The following GTF3C4 variants were observed in gnomAD, a reference collection of about 807,000 sequenced individuals.
The protein encoded by GTF3C4 is general transcription factor IIIC subunit 4, also known as general transcription factor 3C polypeptide 4.
A neutral mutation model predicts 67.5 loss-of-function variants in GTF3C4; 28 were observed. The observed-to-expected ratio is 0.41, with a 90% CI of 0.31 to 0.57. The LOEUF (loss-of-function observed/expected upper bound fraction) is 0.57, where lower values mean the gene tolerates loss of function less well. Ranked by LOEUF, GTF3C4 falls within the 20% of genes least tolerant of loss-of-function variation. The probability of loss-of-function intolerance (pLI) is 0.21; values close to 1 mark genes in which losing one functional copy is unlikely to be tolerated. For missense variants in GTF3C4, 831 were observed against 1,033.2 expected (o/e 0.80, Z 2.68); for synonymous variants, 409 against 393.0 (o/e 1.04, Z -0.48).
chr9:132,679,827 C>G lies in GTF3C4; in HGVS notation c.2184+24C>G. On this transcript the variant is annotated intron_variant, in intron 2 of 4. Transcript: ENST00000372146. The surrounding 1 kb of genome is among the most constrained non-coding windows in gnomAD (Gnocchi z 5.9). ...GGGTAGGTGTTTATTAACAAAAACT[C>G]TGAAATTGTAAAGCCTGCTTTCTTC... 6.5e-7 allele frequency: 1 copy of G among 1,536,984 alleles called. No individual in the cohort carries two copies. The highest frequency in any genetic ancestry group is 8.8e-7 in the Non-Finnish European group (1 of 1,138,786).
chr9:132,682,938 T>C (rs1437695890), intron 2 of GTF3C4, among the ~76,000 whole-genome samples: 1 of 152,064 alleles, frequency 6.6e-6, no homozygotes, highest in East Asian at 1.9e-4. Flanking sequence ...AAAGCAAAAC[T>C]GAAGCAAAGA....
intron 3 of GTF3C4, among the ~76,000 whole-genome samples, chr9:132,684,025 A>G (rs1316172619): frequency 6.6e-6 from 1 of 152,098 alleles, no homozygotes; most frequent in Non-Finnish European, 1.5e-5. Context: ...TGTGGGCTGC[A>G]TTTGGCACAA....
chr9:132,677,900 A>G, intron 1 of GTF3C4, 77 bp from the exon 2 acceptor site: 1 of 1,143,692 alleles, frequency 8.7e-7, no homozygotes, highest in Non-Finnish European at 1.3e-6. Flanking sequence ...GAATAATGAC[A>G]TTCTGACTTA....
intron 1 of GTF3C4, among the ~76,000 whole-genome samples, chr9:132,671,932 G>A (rs773441463): frequency 5.9e-5 from 9 of 152,142 alleles, no homozygotes; most frequent in Non-Finnish European, 1.3e-4. Flanking sequence ...TTATGTGTTC[G>A]TAAACTCTTA....
rs1388845594 is a variant in GTF3C4 at position 132,689,970 on chromosome 9, T to C, written c.*1025T>C. ...CTTTCCTCTGCACAGTCCCTTGATA[T>C]TTGGAATCCAGGTTCTGCCCCCAAC... is the stretch of plus-strand genomic sequence containing the variant. On this transcript the variant is annotated 3_prime_UTR_variant, in exon 5 of 5. Transcript: ENST00000372146. The C allele has an allele frequency of 1.3e-5, 2 of 152,202 alleles. No homozygotes were observed. The highest frequency in any genetic ancestry group is 2.9e-5 in the Non-Finnish European group (2 of 68,092). 9.4% of individuals were successfully genotyped at this position (152,202 alleles called of 1,614,324 possible). A position where few individuals can be genotyped will look rare whatever the true frequency, so the allele number is the denominator to read the frequency against.
rs746905340 is a variant in GTF3C4 at position 132,678,192 on chromosome 9, G to C, written c.573G>C (p.Leu191=). The C allele has an allele frequency of 6.2e-7, 1 of 1,614,246 alleles. No homozygotes were observed. Among genetic ancestry groups the C allele is most frequent in the Non-Finnish European group, 8.5e-7 (1 of 1,180,048 alleles). ...CAGCACTGACCATGGACAATCGCCT[G>C]ACCATCCAGGCAAATCTCAACAGAC... ...LLAALTMDNR[L]TIQANLNRLQ... Residue 191 remains leucine (L), a synonymous_variant, in exon 2 of 5, where the codon CTG becomes CTC. Transcript: ENST00000372146. The surrounding 1 kb of genome is among the most constrained non-coding windows in gnomAD (Gnocchi z 6.5).
At position 132,678,033 on chromosome 9, in the gene GTF3C4, C is replaced by A; in HGVS notation, c.414C>A (p.Asp138Glu). ...ECKEKFAASK[D>E]PTVSQTFMLD... Reference sequence around the variant, plus strand: ...AGGAGAAATTCGCCGCCTCCAAGGACCCCACGGTCAGTCAGACTTTCATGT... The same window carrying A: ...AGGAGAAATTCGCCGCCTCCAAGGAACCCACGGTCAGTCAGACTTTCATGT... Residue 138 changes from aspartate (D) to glutamate (E), a missense_variant, in exon 2 of 5, where the codon GAC (aspartate) becomes GAA (glutamate). Physicochemically the swap from Asp to Glu is conservative, Grantham distance 45. Transcript: ENST00000372146. This position sits in a 1 kb window ranked among gnomAD's most constrained non-coding sequence, Gnocchi z 6.5. 6.2e-7 allele frequency: 1 copy of A among 1,614,046 alleles called. No individual in the cohort carries two copies. Among genetic ancestry groups the A allele is most frequent in the Non-Finnish European group, 8.5e-7 (1 of 1,179,922 alleles).
chr9:132,687,447 G>C (rs467183), intron 4 of GTF3C4, 120 bp downstream of exon 4: 48 of 396,226 alleles, frequency 1.2e-4, no homozygotes, highest in African/African-American at 7.9e-4. Context: ...TGTCGGGGGT[G>C]GGGGGTGGGG....
chr9:132,682,176 G>GA (rs1835955653), intron 2 of GTF3C4, among the ~76,000 whole-genome samples: 1 of 152,058 alleles, frequency 6.6e-6, no homozygotes, highest in African/African-American at 2.4e-5. Context: ...TCATTATCAG[G>GA]ATGTTTGGCC....
At chr9:132,683,515 G>T in intron 2 of GTF3C4, 48 bp from the exon 3 acceptor site, 1 of 1,529,832 alleles carries the variant, frequency 6.5e-7, no homozygotes, top group South Asian at 1.3e-5. Context: ...TTTTCTTCAG[G>T]AAATCCTGCA....
intron 3 of GTF3C4, among the ~76,000 whole-genome samples, chr9:132,684,981 A>ATGCC (rs1186050228): frequency 1.3e-5 from 2 of 151,168 alleles, no homozygotes; most frequent in Admixed American, 1.3e-4. Context: ...TTCTAGAACA[A>ATGCC]TGCCTAGTAC....
Position 132,688,878 on chromosome 9 carries a change from C to T in GTF3C4, c.2405-3C>T, listed in dbSNP as rs1187369410. ...GTTGATACCACTTGTCCTCCTTTTG[C>T]AGATCCCGACTGGATTAAGAGGTTA... On this transcript the variant is annotated splice_polypyrimidine_tract_variant and splice_region_variant and intron_variant, in intron 4 of 4. Transcript: ENST00000372146. 1 of 1,608,134 alleles carries T rather than the reference C, an allele frequency of 6.2e-7. No homozygotes were observed. The highest frequency in any genetic ancestry group is 2.2e-5 in the East Asian group (1 of 44,854).
rs758351457 is a variant in GTF3C4, at chr9:132,670,925, G to T, written c.327G>T (p.Val109=). 5.0e-6 allele frequency: 8 copies of T among 1,612,124 alleles called. No individual in the cohort carries two copies. Among genetic ancestry groups the T allele is most frequent in the Non-Finnish European group, 6.8e-6 (8 of 1,179,580 alleles). The change falls in exon 1 of 5, where the codon GTG becomes GTT. Residue 109 remains valine (V), a synonymous_variant. Coordinates refer to ENST00000372146, the MANE Select transcript of GTF3C4 (RefSeq NM_012204.4). ...GQDLVIHRTS[V]PAPLNSCLLK... ...ACCTGGTTATCCACCGCACCTCGGT[G>T]CCCGCACCGCTCAACAGCTGTCTCC... is the stretch of plus-strand genomic sequence containing the variant.
chr9:132,678,867 C>G lies in GTF3C4; in HGVS notation c.1248C>G (p.Ser416=), dbSNP rs1198660272. Residue 416 remains serine, a synonymous_variant, in exon 2 of 5, where the codon TCC becomes TCG. Coordinates refer to ENST00000372146, the MANE Select transcript of GTF3C4 (RefSeq NM_012204.4). This position sits in a 1 kb window ranked among gnomAD's most constrained non-coding sequence, Gnocchi z 6.5. ...AAGCAGGGCTGAATGTTCACAATTC[C>G]CATGTCACAGGCCTTCACTCACTGC... ...ISKAGLNVHN[S]HVTGLHSLPI... The G allele has an allele frequency of 6.2e-7, 1 of 1,614,044 alleles. No individual in the cohort carries two copies. The highest frequency in any genetic ancestry group is 1.7e-5 in the Admixed American group (1 of 60,002).
In GTF3C4 at chr9:132,691,369, T is replaced by TA. The variant is rs1836113509; in HGVS notation, c.*2425dup. 1 of 152,236 alleles carries TA rather than the reference T, an allele frequency of 6.6e-6. No homozygotes were observed. The highest frequency in any genetic ancestry group is 1.5e-5 in the Non-Finnish European group (1 of 68,036). 9.4% of individuals were successfully genotyped at this position (152,236 alleles called of 1,614,324 possible). A position where few individuals can be genotyped will look rare whatever the true frequency, so the allele number is the denominator to read the frequency against. On this transcript the variant is annotated 3_prime_UTR_variant, in exon 5 of 5. Transcript: ENST00000372146. ...TCAGGTGCCTCTTGCAATTCAAACT[T>TA]ACATCCTCTATACCGTCCTAAAATT...
chr9:132,693,082 T>A lies in GTF3C4; in HGVS notation c.*4137T>A, dbSNP rs1165141915. On this transcript the variant is annotated 3_prime_UTR_variant, in exon 5 of 5. Coordinates refer to ENST00000372146, the MANE Select transcript of GTF3C4 (RefSeq NM_012204.4). ...CACTATCCCGATGAAGAAGTGGGGT[T>A]TTTCAGAAGATTGTAAACTCATTTC... The A allele has an allele frequency of 6.6e-6, 1 of 152,144 alleles. No homozygotes were observed. The highest frequency in any genetic ancestry group is 2.4e-5 in the African/African-American group (1 of 41,420). The allele number at this position is 152,144 out of a possible 1,614,324, so 9.4% of individuals were successfully genotyped here.
intron 1 of GTF3C4, among the ~76,000 whole-genome samples, chr9:132,674,841 G>C (rs1174732139): frequency 2.6e-5 from 4 of 152,172 alleles, no homozygotes; most frequent in African/African-American, 9.7e-5. Flanking sequence ...ACCAGCCTGG[G>C]CAACAGAGAG....
Position 132,693,459 on chromosome 9 carries a change from G to A in GTF3C4, c.*4514G>A, listed in dbSNP as rs1054816501. 9.9e-5 allele frequency: 15 copies of A among 152,118 alleles called. No individual in the cohort carries two copies. The highest frequency in any genetic ancestry group is 3.6e-4 in the African/African-American group (15 of 41,400). The allele number at this position is 152,118 out of a possible 1,614,324, so 9.4% of individuals were successfully genotyped here. A position where few individuals can be genotyped will look rare whatever the true frequency, so the allele number is the denominator to read the frequency against. ...ATGCTTTGCCAACATGATCTAAGAA[G>A]GTATTCATTCTTTCTGGGTTTGAGA... On this transcript the variant is annotated 3_prime_UTR_variant, in exon 5 of 5. Coordinates refer to ENST00000372146, the MANE Select transcript of GTF3C4 (RefSeq NM_012204.4).
At chr9:132,675,258 C>T (rs1416102953) in intron 1 of GTF3C4, among the ~76,000 whole-genome samples, 1 of 152,102 alleles carries the variant, frequency 6.6e-6, no homozygotes, top group Admixed American at 6.6e-5. Context: ...GGTAGTCTGG[C>T]GTCATAGCAC....
Sources: allele counts gnomAD v4.1 joint callset (sites outside exome capture counted in the v4.1 genomes callset), GRCh38; gene constraint gnomAD v4.1.1; non-coding constraint Gnocchi (gnomAD v3.1); transcripts MANE v1.5; gene names NCBI Gene and HGNC (gene_info 2026-07-23, HGNC 2026-07-21).